USP54: variants seen among roughly 807,000 people sequenced by gnomAD.
The protein encoded by USP54 is ubiquitin specific peptidase 54, also known as ubiquitin carboxyl-terminal hydrolase 54.
Under a neutral mutation model 170.5 loss-of-function variants are expected in USP54, and 87 were observed. The ratio of observed to expected loss-of-function variants is 0.51; its 90% CI spans 0.43 to 0.61. The LOEUF is 0.61. Ranked by LOEUF, USP54 falls within the 20% of genes least tolerant of loss-of-function variation. The pLI is 0.00. For synonymous variants in USP54, 655 were observed against 742.8 expected, an observed-to-expected ratio of 0.88 and a Z score of 1.92; for missense variants, 1,786 against 2,047.8, an observed-to-expected ratio of 0.87 and a Z score of 2.47.
intron 4 of USP54, among the ~76,000 whole-genome samples, chr10:73,550,241 G>A (rs568478224): frequency 1.6e-3 from 243 of 152,166 alleles, no homozygotes; most frequent in African/African-American, 5.5e-3. Flanking sequence ...TCTACTTCTG[G>A]TTCACCCTAC....
rs2065211310 is a variant in USP54 at position 73,536,333 on chromosome 10, C to T, written c.1080G>A (p.Gln360=). 6.2e-7 allele frequency: 1 copy of T among 1,613,950 alleles called. No homozygotes were observed. Among genetic ancestry groups the T allele is most frequent in the Admixed American group, 1.7e-5 (1 of 59,984 alleles). The change falls in exon 11 of 24, where the codon CAG becomes CAA. Residue 360 remains glutamine (Q), a synonymous_variant. Transcript: ENST00000687698. ...GGAACTCAGCTTGGGGAGGCAGGTC[C>T]TGGGTGGAAACTGGGGTACCCTGGG... The part of the protein sequence containing the change: ...ADPQGTPVST[Q]DLPPQAEFQS...
At chr10:73,556,956 A>G (rs2071247311) in intron 4 of USP54, among the ~76,000 whole-genome samples, 1 of 152,182 alleles carries the variant, frequency 6.6e-6, no homozygotes, top group Non-Finnish European at 1.5e-5. Flanking sequence ...TCACTAATTG[A>G]GAAGATTTGT....
chr10:73,616,302 C>A (rs1015495047), intron 1 of USP54, among the ~76,000 whole-genome samples: 14 of 132,488 alleles, frequency 1.1e-4, no homozygotes, highest in Non-Finnish European at 1.7e-4. Context: ...TGCGCCACTG[C>A]ACTCCAGCCT....
In USP54 at chr10:73,498,288, GT is replaced by G; in HGVS notation, c.*340del. The G allele has an allele frequency of 5.9e-6, 1 of 168,966 alleles. No individual in the cohort carries two copies. Among genetic ancestry groups the G allele is most frequent in the Admixed American group, 5.6e-5 (1 of 17,760 alleles). 10.5% of individuals were successfully genotyped at this position (168,966 alleles called of 1,614,324 possible). ...GTTTATTTTGTTGTTGTTTTGTTTT[GT>G]TTTTTGAGATGGAGTCTCACTCTAT... On this transcript the variant is annotated 3_prime_UTR_variant, in exon 24 of 24. Coordinates refer to ENST00000687698, the MANE Select transcript of USP54 (RefSeq NM_001391956.1).
intron 16 of USP54, 150 bp from the exon 17 acceptor site, chr10:73,523,900 T>G: frequency 4.0e-6 from 1 of 251,268 alleles, no homozygotes; most frequent in Non-Finnish European, 6.6e-6. Context: ...TTATTATTAT[T>G]ATTATTATTA....
chr10:73,511,070 G>A (rs1052443608), intron 20 of USP54, among the ~76,000 whole-genome samples: 110 of 151,280 alleles, frequency 7.3e-4, no homozygotes, highest in African/African-American at 2.5e-3. Flanking sequence ...ATTTGCCAAC[G>A]GGTACAAAGT....
At chr10:73,519,630 C>A (rs1486340391) in intron 19 of USP54, 167 bp downstream of exon 19, 95 of 995,562 alleles carry the variant, frequency 9.5e-5, no homozygotes, top group Non-Finnish European at 1.3e-4. Flanking sequence ...TAAGGACCAG[C>A]AGTACAATGA....
intron 20 of USP54, among the ~76,000 whole-genome samples, chr10:73,512,710 AGATT>A (rs1338278056): frequency 6.6e-6 from 1 of 151,938 alleles, no homozygotes; most frequent in Non-Finnish European, 1.5e-5. Flanking sequence ...TATTGAGAAT[AGATT>A]GACTACTAGA....
intron 1 of USP54, among the ~76,000 whole-genome samples, chr10:73,598,780 C>T (rs1217779318): frequency 1.3e-5 from 2 of 152,124 alleles, no homozygotes; most frequent in Admixed American, 6.6e-5. Flanking sequence ...ATTAGCTGGG[C>T]GTGGCAGCGT....
chr10:73,543,292 G>C (rs549147731), intron 5 of USP54, among the ~76,000 whole-genome samples, 161 bp from the exon 6 acceptor site: 72 of 152,248 alleles, frequency 4.7e-4, no homozygotes, highest in Admixed American at 2.7e-3. Flanking sequence ...TTCATAGCAA[G>C]TTTCAAAAAT....
Position 73,530,752 on chromosome 10 carries a change from C to T in USP54, c.1399G>A (p.Val467Ile). Reference sequence around the variant, plus strand: ...TGGGGCTCATCGCCTTTCCTCCTAACCCGACCAGAGCTCCTCTTGCGCTCT... The same window carrying T: ...TGGGGCTCATCGCCTTTCCTCCTAATCCGACCAGAGCTCCTCTTGCGCTCT... ...LIERKRSSGR[V>I]RRKGDEPQAS... The change falls in exon 13 of 24, where the codon GTT (valine) becomes ATT (isoleucine). Residue 467 changes from valine to isoleucine, a missense_variant. Val to Ile is a conservative substitution (Grantham distance 29, BLOSUM62 3). Coordinates refer to ENST00000687698, the MANE Select transcript of USP54 (RefSeq NM_001391956.1). 1 of 1,614,184 alleles carries T rather than the reference C, an allele frequency of 6.2e-7. No homozygotes were observed. Among genetic ancestry groups the T allele is most frequent in the South Asian group, 1.1e-5 (1 of 91,084 alleles).
At chr10:73,594,863 A>G (rs865974494), upstream of USP54, among the ~76,000 whole-genome samples, 22 of 152,194 alleles carry the variant, frequency 1.4e-4, no homozygotes, top group Middle Eastern at 6.8e-3. Flanking sequence ...GAAGTAGATG[A>G]AAAACAGGGA....
chr10:73,497,928 G>A lies in USP54; in HGVS notation c.*701C>T, dbSNP rs1030723692. The A allele has an allele frequency of 6.6e-6, 1 of 152,330 alleles. No homozygotes were observed. Among genetic ancestry groups the A allele is most frequent in the African/African-American group, 2.4e-5 (1 of 41,458 alleles). The allele number at this position is 152,330 out of a possible 1,614,324, so 9.4% of individuals were successfully genotyped here. ...TAGGTGGATAAAACAAAGAGTAGAA[G>A]TTGGGAGTATAGTAGGGAACAGAGG... is the stretch of plus-strand genomic sequence containing the variant. On this transcript the variant is annotated 3_prime_UTR_variant, in exon 24 of 24. Coordinates refer to ENST00000687698, the MANE Select transcript of USP54 (RefSeq NM_001391956.1).
intron 20 of USP54, among the ~76,000 whole-genome samples, chr10:73,513,767 C>T (rs1235972279): frequency 6.6e-6 from 1 of 152,048 alleles, no homozygotes; most frequent in African/African-American, 2.4e-5. Context: ...TATGTATTTT[C>T]AAACTACCTG....
Position 73,517,368 on chromosome 10 carries a change from T to C in USP54, c.3058A>G (p.Ile1020Val). ...SKLPPQEGRG[I>V]AQEQLFQEKK... Reference sequence around the variant, plus strand: ...TCTTGGAACAGCTGTTCTTGAGCAATGCCTCTTCCTTCTTGTGGAGGGAGC... The same window carrying C: ...TCTTGGAACAGCTGTTCTTGAGCAACGCCTCTTCCTTCTTGTGGAGGGAGC... The change falls in exon 20 of 24, where the codon ATT (isoleucine) becomes GTT (valine). Residue 1020 changes from isoleucine to valine, a missense_variant. This residue lies in a region of USP54 where 1,418 missense variants were observed against 1,569.0 expected (regional missense o/e 0.90). Transcript: ENST00000687698. 1 of 1,613,298 alleles carries C rather than the reference T, an allele frequency of 6.2e-7. No homozygotes were observed. Among genetic ancestry groups the C allele is most frequent in the South Asian group, 1.1e-5 (1 of 90,980 alleles).
At chr10:73,610,860 T>C (rs1186353816) in intron 1 of USP54, among the ~76,000 whole-genome samples, 1 of 152,180 alleles carries the variant, frequency 6.6e-6, no homozygotes, top group African/African-American at 2.4e-5. Context: ...CACGGGAAGG[T>C]AATGCTACCA....
intron 1 of USP54, among the ~76,000 whole-genome samples, chr10:73,614,384 A>AC (rs2080431307): frequency 6.7e-6 from 1 of 150,004 alleles, no homozygotes; most frequent in South Asian, 2.1e-4. Flanking sequence ...ACATAGTGAA[A>AC]CCCCGTCTCT....
At chr10:73,622,383 G>A (rs544808820) in intron 1 of USP54, among the ~76,000 whole-genome samples, 1 of 151,894 alleles carries the variant, frequency 6.6e-6, no homozygotes, top group South Asian at 2.1e-4. Flanking sequence ...GAGTATAGTG[G>A]CATGATTTCG....
chr10:73,574,865 A>G (rs1564887359), intron 3 of USP54, among the ~76,000 whole-genome samples: 2 of 151,726 alleles, frequency 1.3e-5, no homozygotes, highest in Admixed American at 6.6e-5. Context: ...AAAAAAAAAA[A>G]AAAGAAAGAA....
Sources: gnomAD v4.1 joint callset for allele counts (sites outside exome capture counted in the v4.1 genomes callset) on GRCh38, gnomAD v4.1.1 for gene constraint, gnomAD v4.1.1 regional missense constraint, MANE v1.5 for transcripts, NCBI Gene and HGNC (gene_info 2026-07-23, HGNC 2026-07-21) for gene names.